The following PLPPR1 variants were observed in gnomAD, a reference collection of about 807,000 sequenced individuals.
The protein encoded by PLPPR1 is phospholipid phosphatase-related protein type 1.
A neutral mutation model predicts 33.1 loss-of-function variants in PLPPR1; 10 were observed. The observed-to-expected ratio is 0.30, with a 90% CI of 0.19 to 0.51. The LOEUF is 0.51. Among genes scored for constraint, PLPPR1 ranks in the 20% least tolerant of loss-of-function variants. The probability of loss-of-function intolerance (pLI) is 0.97; values close to 1 mark genes in which losing one functional copy is unlikely to be tolerated. For synonymous variants in PLPPR1, 151 were observed against 151.0 expected (o/e 1.00, Z 0.00); for missense variants, 304 against 408.1 (o/e 0.74, Z 2.20).
At chr9:101,155,613 T>C (rs1165389221) in intron 1 of PLPPR1, among the ~76,000 whole-genome samples, 2 of 151,912 alleles carry the variant, frequency 1.3e-5, no homozygotes, top group Non-Finnish European at 2.9e-5. Flanking sequence ...TCTTTTTTTT[T>C]TTTTAGATGG....
intron 4 of PLPPR1, 146 bp from the exon 5 acceptor site, chr9:101,309,065 G>T: frequency 1.3e-6 from 1 of 755,782 alleles, no homozygotes; most frequent in African/African-American, 1.7e-5. Context: ...TTGGGAAGCA[G>T]GTACCACTCC....
At chr9:101,166,267 A>G (rs970546284) in intron 1 of PLPPR1, among the ~76,000 whole-genome samples, 2 of 151,980 alleles carry the variant, frequency 1.3e-5, no homozygotes, top group African/African-American at 4.8e-5. Flanking sequence ...CCCTCACTTA[A>G]TTCCTATACA....
chr9:101,062,714 A>G (rs1166910605), intron 1 of PLPPR1, among the ~76,000 whole-genome samples: 1 of 152,078 alleles, frequency 6.6e-6, no homozygotes, highest in Non-Finnish European at 1.5e-5. Flanking sequence ...ATTCTTTCCC[A>G]GAAGAGACTC....
At chr9:101,238,681 C>T (rs1827385153) in intron 2 of PLPPR1, among the ~76,000 whole-genome samples, 1 of 151,672 alleles carries the variant, frequency 6.6e-6, no homozygotes, top group African/African-American at 2.4e-5. Flanking sequence ...CTGTTGGGTG[C>T]AATGTCTGCT....
intron 2 of PLPPR1, among the ~76,000 whole-genome samples, chr9:101,198,476 A>G (rs1011245621): frequency 1.3e-5 from 2 of 152,234 alleles, no homozygotes; most frequent in African/African-American, 2.4e-5. Context: ...TTCATACTCA[A>G]AAATTTCAAA....
At chr9:101,208,010 G>A (rs1826620828) in intron 2 of PLPPR1, among the ~76,000 whole-genome samples, 1 of 152,112 alleles carries the variant, frequency 6.6e-6, no homozygotes, top group Admixed American at 6.6e-5. Context: ...TGAAAGATCT[G>A]GTAACACTGG....
chr9:101,054,503 G>T (rs117947956), intron 1 of PLPPR1, among the ~76,000 whole-genome samples: 2 of 152,154 alleles, frequency 1.3e-5, no homozygotes, highest in Non-Finnish European at 2.9e-5. Context: ...TGGTATTGGC[G>T]TACTGGCATT....
At chr9:101,076,206 C>T (rs1028595825) in intron 1 of PLPPR1, among the ~76,000 whole-genome samples, 1 of 152,050 alleles carries the variant, frequency 6.6e-6, no homozygotes, top group South Asian at 2.1e-4. Context: ...TTCTAACCAA[C>T]CTTCCAGGTC....
chr9:101,100,089 C>T (rs1830878598), intron 1 of PLPPR1, among the ~76,000 whole-genome samples: 1 of 151,822 alleles, frequency 6.6e-6, no homozygotes, highest in Non-Finnish European at 1.5e-5. Context: ...ATTTCCTTTA[C>T]AAGAATCACA....
At chr9:101,046,463 A>G (rs1285755979) in intron 1 of PLPPR1, among the ~76,000 whole-genome samples, 1 of 125,270 alleles carries the variant, frequency 8.0e-6, no homozygotes, top group Non-Finnish European at 1.6e-5. Context: ...TTTTTGAGAC[A>G]GAGTCTCGCC....
chr9:101,209,653 G>A (rs1186433461), intron 2 of PLPPR1, among the ~76,000 whole-genome samples: 1 of 152,216 alleles, frequency 6.6e-6, no homozygotes, highest in Admixed American at 6.5e-5. Context: ...AACATAGTTT[G>A]AGTAATTGAC....
At chr9:101,270,106 T>A (rs774524551) in intron 3 of PLPPR1, 38 bp downstream of exon 3, 1 of 1,594,012 alleles carries the variant, frequency 6.3e-7, no homozygotes, top group Non-Finnish European at 8.6e-7. Context: ...TATTGTCAGA[T>A]ACCCAAGAAT....
At chr9:101,321,023 T>C (rs1829140637) in intron 7 of PLPPR1, among the ~76,000 whole-genome samples, 1 of 152,090 alleles carries the variant, frequency 6.6e-6, no homozygotes. Flanking sequence ...TGAGCTACAG[T>C]TTTTCCAAAG....
chr9:101,304,172 G>T (rs1003898725), intron 4 of PLPPR1, among the ~76,000 whole-genome samples: 1 of 152,104 alleles, frequency 6.6e-6, no homozygotes. Context: ...CACTATGCCC[G>T]ACTTTGTGAA....
At chr9:101,222,388 C>G (rs1826963624) in intron 2 of PLPPR1, among the ~76,000 whole-genome samples, 1 of 152,178 alleles carries the variant, frequency 6.6e-6, no homozygotes, top group African/African-American at 2.4e-5. Context: ...TACAGATAGT[C>G]TAGAGCAGGA....
intron 2 of PLPPR1, among the ~76,000 whole-genome samples, chr9:101,256,841 T>C (rs1448826185): frequency 6.6e-6 from 1 of 152,118 alleles, no homozygotes; most frequent in Non-Finnish European, 1.5e-5. Context: ...TTTATCCTGA[T>C]AGAAATAAAG....
Position 101,315,457 on chromosome 9 carries a change from G to T in PLPPR1, c.814-1908G>T, listed in dbSNP as rs144074032. 4.6e-5 allele frequency among the ~76,000 whole-genome samples: 7 copies of T among 152,284 alleles called. No homozygotes were observed. In the East Asian group the frequency reaches 1.4e-3, roughly 29 times the overall value. On this transcript the variant is annotated intron_variant, in intron 6 of 7. Transcript: ENST00000374874. ...TGACTGTTCCAAGCAATTTTGTAGGGTCTTTGTGGGATGATATTGGGGTTT... is the reference window on the plus strand; with the variant it reads ...TGACTGTTCCAAGCAATTTTGTAGGTTCTTTGTGGGATGATATTGGGGTTT...
At chr9:101,094,731 G>A (rs1159705674) in intron 1 of PLPPR1, among the ~76,000 whole-genome samples, 1 of 152,164 alleles carries the variant, frequency 6.6e-6, no homozygotes, top group Non-Finnish European at 1.5e-5. Flanking sequence ...AATGCATACA[G>A]CCAGGTGATC....
intron 6 of PLPPR1, among the ~76,000 whole-genome samples, chr9:101,313,861 T>C (rs1699956683): frequency 6.6e-6 from 1 of 152,226 alleles, no homozygotes; most frequent in African/African-American, 2.4e-5. Context: ...TGATCTTCTG[T>C]CATTCTATAT....
Sources: allele counts gnomAD v4.1 joint callset (sites outside exome capture counted in the v4.1 genomes callset), GRCh38; gene constraint gnomAD v4.1.1; transcripts MANE v1.5; gene names NCBI Gene and HGNC (gene_info 2026-07-23, HGNC 2026-07-21).